The following TBC1D16 variants were observed in gnomAD, a reference collection of about 807,000 sequenced individuals.
TBC1D16 encodes TBC1 domain family member 16.
In TBC1D16, 58 loss-of-function variants were observed where a neutral mutation model predicts 74.7. The observed-to-expected ratio is 0.78, with a 90% CI of 0.63 to 0.97. TBC1D16 has a LOEUF of 0.97. Among genes scored for constraint, TBC1D16 ranks in the 50% least tolerant of loss-of-function variants. The pLI, the probability that TBC1D16 is intolerant of heterozygous loss-of-function variation, is 0.00. For missense variants in TBC1D16, 1,014 were observed against 1,079.5 expected (o/e 0.94, Z 0.85); for synonymous variants, 493 against 474.7 (o/e 1.04, Z -0.50).
rs2033606664 is a variant in TBC1D16 at position 79,961,346 on chromosome 17, G to A, written c.780-8528C>T. Among the ~76,000 whole-genome samples, 1 of 152,190 alleles carries A rather than the reference G, an allele frequency of 6.6e-6. No homozygotes were observed. The highest frequency in any genetic ancestry group is 1.5e-5 in the Non-Finnish European group (1 of 68,026). The stretch of plus-strand genomic sequence containing the variant: ...GCTACAGTGGACAAGACTGATCATA[G>A]CAAGTGTTGCTGAGGACATGGAGGA... On this transcript the variant is annotated intron_variant, in intron 3 of 11. Transcript: ENST00000310924. This position sits in a 1 kb window ranked among gnomAD's most constrained non-coding sequence, Gnocchi z 4.8.
At chr17:79,989,138 T>C (rs1424994503) in intron 3 of TBC1D16, among the ~76,000 whole-genome samples, 1 of 152,316 alleles carries the variant, frequency 6.6e-6, no homozygotes, top group Admixed American at 6.5e-5. Context: ...ACCCCAAATG[T>C]GGAGGACCAC....
intron 3 of TBC1D16, among the ~76,000 whole-genome samples, chr17:79,960,399 C>G (rs938878553): frequency 7.9e-5 from 12 of 152,168 alleles, no homozygotes; most frequent in African/African-American, 2.9e-4. Flanking sequence ...AGAAAGAAAC[C>G]TCAATGCAAT....
chr17:79,948,965 T>G lies in TBC1D16; in HGVS notation c.1448A>C (p.Asn483Thr). ...TPEEHRAFWR[N>T]VQFTVDKDVV... ...GTCTTTGTCCACAGTGAACTGCACA[T>G]TACGCCAGAACGCTCTGTGCTCCTC... Residue 483 changes from asparagine to threonine, a missense_variant, in exon 8 of 12, where the codon AAT becomes ACT. Coordinates refer to ENST00000310924, the MANE Select transcript of TBC1D16 (RefSeq NM_019020.4). The G allele has an allele frequency of 6.2e-7, 1 of 1,614,172 alleles. No individual in the cohort carries two copies. Among genetic ancestry groups the G allele is most frequent in the Non-Finnish European group, 8.5e-7 (1 of 1,180,032 alleles).
At chr17:80,034,395 T>G (rs922108120) in intron 1 of TBC1D16, among the ~76,000 whole-genome samples, 3 of 148,644 alleles carry the variant, frequency 2.0e-5, no homozygotes, top group Non-Finnish European at 3.0e-5. Flanking sequence ...ATATGGGGGG[T>G]TTCACCATAT....
rs1222684714 is a variant in TBC1D16, at chr17:79,969,439, C to G, written c.780-16621G>C. ...TCAAAAACAACGTTGAGATACCACT[C>G]CACACCCACTGGGATGGCTATAATA... On this transcript the variant is annotated intron_variant, in intron 3 of 11. Transcript: ENST00000310924. 2.0e-5 allele frequency among the ~76,000 whole-genome samples: 3 copies of G among 152,070 alleles called. No homozygotes were observed. In the East Asian group the frequency reaches 5.8e-4, roughly 29 times the overall value.
In TBC1D16 at chr17:79,987,637, G is replaced by A. The variant is rs1386010152; in HGVS notation, c.779+22523C>T. 6.6e-6 allele frequency among the ~76,000 whole-genome samples: 1 copy of A among 152,158 alleles called. No individual in the cohort carries two copies. The highest frequency in any genetic ancestry group is 6.5e-5 in the Admixed American group (1 of 15,274). On this transcript the variant is annotated intron_variant, in intron 3 of 11. Transcript: ENST00000310924. This position sits in a 1 kb window ranked among gnomAD's most constrained non-coding sequence, Gnocchi z 5.2. Reference sequence around the variant, plus strand: ...GAATGAAGGTGGGGATGGGGGTAGGGAATGTCCCCATGAAGGTAGCCCCTG... The same window carrying A: ...GAATGAAGGTGGGGATGGGGGTAGGAAATGTCCCCATGAAGGTAGCCCCTG...
At chr17:80,030,891 C>T (rs560277966) in intron 1 of TBC1D16, among the ~76,000 whole-genome samples, 78 of 152,362 alleles carry the variant, frequency 5.1e-4, no homozygotes, top group African/African-American at 1.8e-3. Context: ...GGCACATGGC[C>T]GGCAGAAACT....
chr17:80,028,847 C>T (rs906910560), intron 1 of TBC1D16, among the ~76,000 whole-genome samples: 1 of 151,984 alleles, frequency 6.6e-6, no homozygotes, highest in Non-Finnish European at 1.5e-5. Flanking sequence ...CTCCTGACCT[C>T]GTGATCCGCC....
intron 4 of TBC1D16, among the ~76,000 whole-genome samples, chr17:79,952,362 C>G (rs1204945181): frequency 1.3e-5 from 2 of 152,244 alleles, no homozygotes; most frequent in Admixed American, 1.3e-4. Flanking sequence ...AGCTGCTACC[C>G]TCTGCCCTGG....
Position 79,988,825 on chromosome 17 carries a change from G to A in TBC1D16, c.779+21335C>T, listed in dbSNP as rs1001926273. Among the ~76,000 whole-genome samples, 6 of 152,172 alleles carry A rather than the reference G, an allele frequency of 3.9e-5. No individual in the cohort carries two copies. Among genetic ancestry groups the A allele is most frequent in the South Asian group, 2.1e-4 (1 of 4,818 alleles). On this transcript the variant is annotated intron_variant, in intron 3 of 11. Transcript: ENST00000310924. The surrounding 1 kb of genome is among the most constrained non-coding windows in gnomAD (Gnocchi z 5.7). ...CGCTAAGCATGGTGCTGTGTAGCCCGGCCAGCCCCGTGGAAGTCCTCAGCC... is the reference window on the plus strand; with the variant it reads ...CGCTAAGCATGGTGCTGTGTAGCCCAGCCAGCCCCGTGGAAGTCCTCAGCC...
chr17:79,942,991 G>A (rs536015156), intron 10 of TBC1D16, among the ~76,000 whole-genome samples: 30 of 152,236 alleles, frequency 2.0e-4, no homozygotes, highest in Non-Finnish European at 3.7e-4. Flanking sequence ...CTCAAGACAC[G>A]CCACCTTTGA....
At position 79,980,312 on chromosome 17, in the gene TBC1D16, T is replaced by C. The variant is rs2034526922; in HGVS notation, c.780-27494A>G. Reference sequence around the variant, plus strand: ...TTGCAGCCCAAATTCCCCTTCTCTCTTGGCTTCACGGCACGGGCTTCTTGA... The same window carrying C: ...TTGCAGCCCAAATTCCCCTTCTCTCCTGGCTTCACGGCACGGGCTTCTTGA... On this transcript the variant is annotated intron_variant, in intron 3 of 11. Coordinates refer to ENST00000310924, the MANE Select transcript of TBC1D16 (RefSeq NM_019020.4). This position sits in a 1 kb window ranked among gnomAD's most constrained non-coding sequence, Gnocchi z 7.0. Among the ~76,000 whole-genome samples, 1 of 152,238 alleles carries C rather than the reference T, an allele frequency of 6.6e-6. No individual in the cohort carries two copies. Among genetic ancestry groups the C allele is most frequent in the South Asian group, 2.1e-4 (1 of 4,838 alleles).
chr17:79,985,471 G>A lies in TBC1D16; in HGVS notation c.779+24689C>T, dbSNP rs1357625856. On this transcript the variant is annotated intron_variant, in intron 3 of 11. Transcript: ENST00000310924. This position sits in a 1 kb window ranked among gnomAD's most constrained non-coding sequence, Gnocchi z 4.9. ...TCACTTTTTTTGGACAGGGAAGCTC[G>A]GCTGTGGGTGCGAAGCAGGACTGCC... Among the ~76,000 whole-genome samples the A allele has an allele frequency of 3.9e-5, 6 of 152,278 alleles. No individual in the cohort carries two copies. Among genetic ancestry groups the A allele is most frequent in the East Asian group, 1.9e-4 (1 of 5,178 alleles).
At position 79,980,694 on chromosome 17, in the gene TBC1D16, G is replaced by A. The variant is rs943771670; in HGVS notation, c.780-27876C>T. On this transcript the variant is annotated intron_variant, in intron 3 of 11. Coordinates refer to ENST00000310924, the MANE Select transcript of TBC1D16 (RefSeq NM_019020.4). The surrounding 1 kb of genome is among the most constrained non-coding windows in gnomAD (Gnocchi z 7.0). Reference sequence around the variant, plus strand: ...GTGACATCCCACATGGCTTGGTCCCGCCTTTCAGCCCCCCAGGGTTCACTC... The same window carrying A: ...GTGACATCCCACATGGCTTGGTCCCACCTTTCAGCCCCCCAGGGTTCACTC... 1.3e-5 allele frequency among the ~76,000 whole-genome samples: 2 copies of A among 152,204 alleles called. No individual in the cohort carries two copies. The highest frequency in any genetic ancestry group is 2.4e-5 in the African/African-American group (1 of 41,448).
In TBC1D16 at chr17:79,948,929, G is replaced by C. The variant is rs1356283236; in HGVS notation, c.1484C>G (p.Thr495Arg). 1 of 1,614,044 alleles carries C rather than the reference G, an allele frequency of 6.2e-7. No homozygotes were observed. The highest frequency in any genetic ancestry group is 1.3e-5 in the African/African-American group (1 of 74,922). Reference protein sequence around the residue: ...QFTVDKDVVRTDRNNQFFRGE... With the variant: ...QFTVDKDVVRRDRNNQFFRGE... ...CCGGAAGAACTGGTTGTTCCGATCT[G>C]TCCGGACCACGTCTTTGTCCACAGT... The change falls in exon 8 of 12, where the codon ACA becomes AGA. Residue 495 changes from threonine to arginine, a missense_variant. Coordinates refer to ENST00000310924, the MANE Select transcript of TBC1D16 (RefSeq NM_019020.4).
rs1386623996 is a variant in TBC1D16 at position 80,014,372 on chromosome 17, A to G, written c.-62-763T>C. 2.6e-5 allele frequency among the ~76,000 whole-genome samples: 4 copies of G among 152,162 alleles called. No individual in the cohort carries two copies. The East Asian group carries it at 7.7e-4, about 29-fold the overall frequency. ...ACTCTGTCTCAAAAAAAAAGAAAGA[A>G]GGAAAATTTATAAACTAAAGGATTA... On this transcript the variant is annotated intron_variant, in intron 1 of 11. Coordinates refer to ENST00000310924, the MANE Select transcript of TBC1D16 (RefSeq NM_019020.4).
In TBC1D16 at chr17:80,008,565, T is replaced by C. The variant is rs2035761792; in HGVS notation, c.779+1595A>G. Among the ~76,000 whole-genome samples the C allele has an allele frequency of 6.6e-6, 1 of 152,060 alleles. No homozygotes were observed. Among genetic ancestry groups the C allele is most frequent in the Non-Finnish European group, 1.5e-5 (1 of 68,012 alleles). Reference sequence around the variant, plus strand: ...ACGCCTGCAGGTTCTGCTGCACTGTTGGCCTGGCACCACCAGGGGGAGCTC... The same window carrying C: ...ACGCCTGCAGGTTCTGCTGCACTGTCGGCCTGGCACCACCAGGGGGAGCTC... On this transcript the variant is annotated intron_variant, in intron 3 of 11. Coordinates refer to ENST00000310924, the MANE Select transcript of TBC1D16 (RefSeq NM_019020.4). This position sits in a 1 kb window ranked among gnomAD's most constrained non-coding sequence, Gnocchi z 4.5.
At chr17:80,011,969 G>C (rs73425706) in intron 2 of TBC1D16, among the ~76,000 whole-genome samples, 2,701 of 152,264 alleles carry the variant, frequency 0.018, 30 homozygotes, top group Middle Eastern at 0.044. Flanking sequence ...ACACGGGGTT[G>C]CTGGTGACAT....
chr17:79,941,176 G>A lies in TBC1D16; in HGVS notation c.2056-69C>T. On this transcript the variant is annotated intron_variant, in intron 11 of 11. Transcript: ENST00000310924. The surrounding 1 kb of genome is among the most constrained non-coding windows in gnomAD (Gnocchi z 4.3). ...CTGGCAGCCTAGGGTCCCCATGGGA[G>A]TGGCCAAAGACAGCAACAGCAGCAA... The A allele has an allele frequency of 8.2e-6, 12 of 1,458,682 alleles. No homozygotes were observed. In the South Asian group the frequency reaches 1.2e-4, roughly 15 times the overall value. The allele number at this position is 1,458,682 out of a possible 1,614,324, so 90.4% of individuals were successfully genotyped here.
Sources: gnomAD v4.1 joint callset for allele counts (sites outside exome capture counted in the v4.1 genomes callset) on GRCh38, gnomAD v4.1.1 for gene constraint, Gnocchi (gnomAD v3.1) non-coding constraint, MANE v1.5 for transcripts, NCBI Gene and HGNC (gene_info 2026-07-23, HGNC 2026-07-21) for gene names.